The following EFNA5 variants were observed in gnomAD, a reference collection of about 807,000 sequenced individuals.
The protein encoded by EFNA5 is ephrin-A5.
In EFNA5, 5 loss-of-function variants were observed where a neutral mutation model predicts 22.9. The observed-to-expected ratio is 0.22, with a 90% CI of 0.11 to 0.46. EFNA5 has a LOEUF of 0.46. Among genes scored for constraint, EFNA5 ranks in the 20% least tolerant of loss-of-function variants. The probability of loss-of-function intolerance (pLI) is 0.99; values close to 1 mark genes in which losing one functional copy is unlikely to be tolerated. For synonymous variants in EFNA5, 113 were observed against 112.2 expected (o/e 1.01, Z -0.04); for missense variants, 237 against 293.3 (o/e 0.81, Z 1.40).
At chr5:107,404,244 T>C (rs1049791999) in intron 2 of EFNA5, among the ~76,000 whole-genome samples, 7 of 152,368 alleles carry the variant, frequency 4.6e-5, no homozygotes, top group East Asian at 3.9e-4. Flanking sequence ...AGTCAATAAA[T>C]CTGTTGCAGA....
At chr5:107,539,127 G>A (rs1223118687) in intron 1 of EFNA5, among the ~76,000 whole-genome samples, 1 of 152,176 alleles carries the variant, frequency 6.6e-6, no homozygotes, top group Admixed American at 6.5e-5. Flanking sequence ...TGGAAACACT[G>A]GGTTCTTTGA....
intron 1 of EFNA5, among the ~76,000 whole-genome samples, chr5:107,543,003 G>T (rs976423172): frequency 6.6e-6 from 1 of 152,100 alleles, no homozygotes; most frequent in Non-Finnish European, 1.5e-5. Flanking sequence ...AATAAAAAGT[G>T]TTGACCTCAC....
At chr5:107,482,821 T>G (rs1326520869) in intron 1 of EFNA5, among the ~76,000 whole-genome samples, 2 of 54,686 alleles carry the variant, frequency 3.7e-5, no homozygotes, top group Non-Finnish European at 8.8e-5. Context: ...TCTGTCTCTC[T>G]CTCTGTCTCT....
At chr5:107,564,034 T>A (rs1027423228) in intron 1 of EFNA5, among the ~76,000 whole-genome samples, 12 of 152,246 alleles carry the variant, frequency 7.9e-5, no homozygotes, top group Middle Eastern at 3.4e-3. Flanking sequence ...TGGTCTCAAC[T>A]ACTGTGCTCT....
chr5:107,547,419 G>A (rs1217753619), intron 1 of EFNA5, among the ~76,000 whole-genome samples: 1 of 152,038 alleles, frequency 6.6e-6, no homozygotes. Context: ...CAAGACAGGT[G>A]TGATGGTGTC....
At chr5:107,543,004 T>C (rs2112461656) in intron 1 of EFNA5, among the ~76,000 whole-genome samples, 1 of 152,254 alleles carries the variant, frequency 6.6e-6, no homozygotes, top group African/African-American at 2.4e-5. Context: ...ATAAAAAGTG[T>C]TGACCTCACC....
chr5:107,527,940 G>T lies in EFNA5; in HGVS notation c.126-100431C>A, dbSNP rs148825899. On this transcript the variant is annotated intron_variant, in intron 1 of 4. Coordinates refer to ENST00000333274, the MANE Select transcript of EFNA5 (RefSeq NM_001962.3). ...GTCACAACTTTCTCCCCCAGAAATA[G>T]AAGTTATCCCAAACATTCTCTACAA... 4.1e-3 allele frequency among the ~76,000 whole-genome samples: 625 copies of T among 152,244 alleles called. 3 individuals are homozygous for T. Among genetic ancestry groups the T allele is most frequent in the African/African-American group, 0.014 (585 of 41,550 alleles).
At chr5:107,562,645 A>G (rs1748575898) in intron 1 of EFNA5, among the ~76,000 whole-genome samples, 1 of 152,220 alleles carries the variant, frequency 6.6e-6, no homozygotes, top group Non-Finnish European at 1.5e-5. Flanking sequence ...ATTTTTTAAA[A>G]AAGTTCCTAA....
At chr5:107,391,083 C>G (rs1297070569) in intron 2 of EFNA5, among the ~76,000 whole-genome samples, 2 of 152,182 alleles carry the variant, frequency 1.3e-5, no homozygotes, top group Non-Finnish European at 2.9e-5. Context: ...TGCTTGAGCC[C>G]AGGAGGCAGA....
At chr5:107,527,881 G>C (rs62355612) in intron 1 of EFNA5, among the ~76,000 whole-genome samples, 1 of 152,010 alleles carries the variant, frequency 6.6e-6, no homozygotes, top group East Asian at 1.9e-4. Flanking sequence ...CTCTGACTCC[G>C]GGGCCTTCTC....
At chr5:107,537,733 C>T (rs1747957771) in intron 1 of EFNA5, among the ~76,000 whole-genome samples, 1 of 152,182 alleles carries the variant, frequency 6.6e-6, no homozygotes, top group Non-Finnish European at 1.5e-5. Flanking sequence ...TTAGCTCACA[C>T]AGTTATTAGG....
chr5:107,381,222 G>GT lies in EFNA5; in HGVS notation c.*32dup. On this transcript the variant is annotated 3_prime_UTR_variant, in exon 5 of 5. Coordinates refer to ENST00000333274, the MANE Select transcript of EFNA5 (RefSeq NM_001962.3). Reference sequence around the variant, plus strand: ...ATCTCTGGTGTTCCAAGACCCTGATGTTTTCTGTGACAAGTGATGGGAGGA... The same window carrying GT: ...ATCTCTGGTGTTCCAAGACCCTGATGTTTTTCTGTGACAAGTGATGGGAGGA... 1 of 1,600,440 alleles carries GT rather than the reference G, an allele frequency of 6.2e-7. No homozygotes were observed. Among genetic ancestry groups the GT allele is most frequent in the Non-Finnish European group, 8.6e-7 (1 of 1,169,170 alleles).
chr5:107,657,681 T>C (rs1417114814), intron 1 of EFNA5, among the ~76,000 whole-genome samples: 1 of 152,198 alleles, frequency 6.6e-6, no homozygotes, highest in Non-Finnish European at 1.5e-5. Flanking sequence ...TGTTCATCTG[T>C]TTCCTTTCAT....
chr5:107,420,223 A>T (rs934866912), intron 2 of EFNA5, among the ~76,000 whole-genome samples: 1 of 152,144 alleles, frequency 6.6e-6, no homozygotes, highest in African/African-American at 2.4e-5. Context: ...CATTTATGAA[A>T]TTTTTTACTG....
chr5:107,618,475 T>C (rs1271926502), intron 1 of EFNA5, among the ~76,000 whole-genome samples: 1 of 152,212 alleles, frequency 6.6e-6, no homozygotes, highest in Non-Finnish European at 1.5e-5. Context: ...GCCAGTAGAC[T>C]GACAAATCAA....
intron 1 of EFNA5, among the ~76,000 whole-genome samples, chr5:107,660,982 T>C (rs752522867): frequency 4.6e-5 from 7 of 152,018 alleles, no homozygotes; most frequent in Non-Finnish European, 1.0e-4. Flanking sequence ...AACAAATATA[T>C]GAAGAAAGCA....
At chr5:107,506,919 T>C (rs1324665677) in intron 1 of EFNA5, among the ~76,000 whole-genome samples, 1 of 152,208 alleles carries the variant, frequency 6.6e-6, no homozygotes, top group African/African-American at 2.4e-5. Context: ...TAAAAATTCA[T>C]TAAACATTTA....
intron 1 of EFNA5, among the ~76,000 whole-genome samples, chr5:107,596,514 C>CGGATGGCCA (rs1319485924): frequency 2.0e-5 from 3 of 152,096 alleles, no homozygotes; most frequent in Non-Finnish European, 4.4e-5. Flanking sequence ...CATTCATCCA[C>CGGATGGCCA]GGATGGCCAC....
intron 1 of EFNA5, among the ~76,000 whole-genome samples, chr5:107,646,212 T>C (rs551515059): frequency 2.6e-5 from 4 of 152,262 alleles, no homozygotes; most frequent in South Asian, 2.1e-4. Flanking sequence ...GTTAGTAATA[T>C]TGTGTTGTAT....
Sources: allele counts gnomAD v4.1 joint callset (sites outside exome capture counted in the v4.1 genomes callset), GRCh38; gene constraint gnomAD v4.1.1; transcripts MANE v1.5; gene names NCBI Gene and HGNC (gene_info 2026-07-23, HGNC 2026-07-21).